Variants in GLRA1 observed in about 807,000 individuals in gnomAD.
GLRA1 encodes glycine receptor alpha 1, also known as glycine receptor subunit alpha-1.
In GLRA1, 37 loss-of-function variants were observed where a neutral mutation model predicts 48.3. That is an observed-to-expected ratio of 0.77 (90% CI 0.59 to 1.01). The LOEUF (loss-of-function observed/expected upper bound fraction) is 1.01. Ranked by LOEUF, GLRA1 falls within the 50% of genes least tolerant of loss-of-function variation. The pLI, the probability that GLRA1 is intolerant of heterozygous loss-of-function variation, is 0.00. For synonymous variants in GLRA1, 196 were observed against 210.7 expected (o/e 0.93, Z 0.60); for missense variants, 427 against 571.0 (o/e 0.75, Z 2.57).
rs1754966368 is a variant in GLRA1 at position 151,924,630 on chromosome 5, G to C, written c.-81C>G. The stretch of plus-strand genomic sequence containing the variant: ...ATTGGCACTTACAAAACCAGAAAGC[G>C]CTATTGCAAAAAATAATCCAGATGT... On this transcript the variant is annotated 5_prime_UTR_variant, in exon 1 of 9. Transcript: ENST00000274576. 1 of 872,602 alleles carries C rather than the reference G, an allele frequency of 1.1e-6. No homozygotes were observed. 54.1% of individuals were successfully genotyped at this position (872,602 alleles called of 1,614,324 possible). A position where few individuals can be genotyped will look rare whatever the true frequency, so the allele number is the denominator to read the frequency against.
chr5:151,873,239 G>GT (rs1753532124), intron 3 of GLRA1, among the ~76,000 whole-genome samples: 1 of 149,546 alleles, frequency 6.7e-6, no homozygotes, highest in Non-Finnish European at 1.5e-5. Context: ...CCTAGAGAAG[G>GT]TTTTCCAAGG....
chr5:151,827,506 C>T (rs1334927775), intron 8 of GLRA1, among the ~76,000 whole-genome samples: 1 of 152,100 alleles, frequency 6.6e-6, no homozygotes, highest in Non-Finnish European at 1.5e-5. Flanking sequence ...CTTTGGCATC[C>T]TCTGATTTAA....
chr5:151,902,976 A>G (rs1046284415), intron 1 of GLRA1, among the ~76,000 whole-genome samples: 2 of 152,208 alleles, frequency 1.3e-5, no homozygotes, highest in African/African-American at 2.4e-5. Context: ...GTAGAGGAAA[A>G]CTTATGTGAG....
intron 1 of GLRA1, 56 bp from the exon 2 acceptor site, chr5:151,892,494 A>G (rs1211504532): frequency 1.1e-5 from 17 of 1,597,456 alleles, no homozygotes; most frequent in Non-Finnish European, 1.5e-5. Flanking sequence ...TCATGCTGTG[A>G]TCAGATCCCA....
At chr5:151,867,144 A>C (rs1285390558) in intron 3 of GLRA1, among the ~76,000 whole-genome samples, 1 of 152,082 alleles carries the variant, frequency 6.6e-6, no homozygotes, top group Non-Finnish European at 1.5e-5. Flanking sequence ...TAAATAAATA[A>C]ATACTTTTAA....
intron 1 of GLRA1, among the ~76,000 whole-genome samples, chr5:151,892,908 T>C (rs953216313): frequency 6.6e-6 from 1 of 152,226 alleles, no homozygotes; most frequent in Non-Finnish European, 1.5e-5. Context: ...TTTAAAAAGT[T>C]GCTAAAGTCA....
chr5:151,848,599 G>A (rs1752741561), intron 7 of GLRA1, among the ~76,000 whole-genome samples: 1 of 152,206 alleles, frequency 6.6e-6, no homozygotes, highest in Admixed American at 6.5e-5. Context: ...TGTTGTTGCT[G>A]GAGTAAGAGT....
At chr5:151,896,410 G>A (rs1455872656) in intron 1 of GLRA1, among the ~76,000 whole-genome samples, 1 of 152,330 alleles carries the variant, frequency 6.6e-6, no homozygotes, top group East Asian at 1.9e-4. Flanking sequence ...ATTGTGAAGA[G>A]TATAAAATCA....
chr5:151,850,509 A>C, intron 7 of GLRA1: 5 of 991,388 alleles, frequency 5.0e-6, no homozygotes, highest in Non-Finnish European at 8.2e-6. Context: ...GAAACTAAGC[A>C]GTGGCACCAG....
intron 8 of GLRA1, among the ~76,000 whole-genome samples, chr5:151,823,951 T>TC (rs1375908095): frequency 2.6e-5 from 4 of 151,742 alleles, no homozygotes; most frequent in South Asian, 4.2e-4. Context: ...GAATTGAGAG[T>TC]CTAATGTTTT....
chr5:151,830,731 A>G (rs1763401075), intron 7 of GLRA1, among the ~76,000 whole-genome samples: 1 of 148,090 alleles, frequency 6.8e-6, no homozygotes, highest in Admixed American at 6.6e-5. Context: ...AACAAATAAT[A>G]CGAACTTTAC....
intron 7 of GLRA1, among the ~76,000 whole-genome samples, chr5:151,839,952 TG>T (rs1467414997): frequency 6.6e-5 from 10 of 152,172 alleles, no homozygotes; most frequent in African/African-American, 2.2e-4. Flanking sequence ...AAGACACTGT[TG>T]TAATTAAGTT....
chr5:151,899,220 G>A (rs1487492542), intron 1 of GLRA1, among the ~76,000 whole-genome samples: 1 of 152,206 alleles, frequency 6.6e-6, no homozygotes, highest in African/African-American at 2.4e-5. Context: ...AATTATAAGA[G>A]GCTGCCACTC....
At chr5:151,899,677 C>T (rs921134375) in intron 1 of GLRA1, among the ~76,000 whole-genome samples, 1 of 152,108 alleles carries the variant, frequency 6.6e-6, no homozygotes, top group Non-Finnish European at 1.5e-5. Context: ...GCCAGCTGTG[C>T]AATTCTGATT....
chr5:151,861,728 G>A (rs1753210496), intron 3 of GLRA1, among the ~76,000 whole-genome samples: 1 of 152,186 alleles, frequency 6.6e-6, no homozygotes, highest in African/African-American at 2.4e-5. Context: ...TACAAGGGAT[G>A]TGAAGGACCT....
intron 3 of GLRA1, among the ~76,000 whole-genome samples, chr5:151,884,220 G>A (rs1481389875): frequency 6.6e-6 from 1 of 152,168 alleles, no homozygotes; most frequent in Non-Finnish European, 1.5e-5. Flanking sequence ...CATGAGGCCA[G>A]GAGTTCGAGA....
chr5:151,839,689 AG>A (rs1763666207), intron 7 of GLRA1, among the ~76,000 whole-genome samples: 1 of 152,114 alleles, frequency 6.6e-6, no homozygotes, highest in African/African-American at 2.4e-5. Context: ...TGAGATCTTT[AG>A]GGTGAGATCT....
At chr5:151,906,532 T>G (rs1414430316) in intron 1 of GLRA1, among the ~76,000 whole-genome samples, 1 of 152,168 alleles carries the variant, frequency 6.6e-6, no homozygotes, top group African/African-American at 2.4e-5. Flanking sequence ...AAGGAATAAT[T>G]AAAGACTCTG....
At chr5:151,868,685 C>G (rs1437269246) in intron 3 of GLRA1, among the ~76,000 whole-genome samples, 1 of 152,190 alleles carries the variant, frequency 6.6e-6, no homozygotes, top group Non-Finnish European at 1.5e-5. Context: ...TTTTTAGATG[C>G]CCACAACTAA....
Sources: allele counts gnomAD v4.1 joint callset (sites outside exome capture counted in the v4.1 genomes callset), GRCh38; gene constraint gnomAD v4.1.1; transcripts MANE v1.5; gene names NCBI Gene and HGNC (gene_info 2026-07-23, HGNC 2026-07-21).